The following SIGLEC15 variants were observed in gnomAD, a reference collection of about 807,000 sequenced individuals.
SIGLEC15 encodes the protein sialic acid binding Ig like lectin 15, also known as sialic acid-binding Ig-like lectin 15.
SIGLEC15 carries 31 observed loss-of-function variants against 26.2 expected under a neutral mutation model. That is an observed-to-expected ratio of 1.18 (90% CI 0.89 to 1.60). The LOEUF (loss-of-function observed/expected upper bound fraction) is 1.60. Ranked by LOEUF, SIGLEC15 falls within the 40% of genes most tolerant of loss-of-function variation. SIGLEC15 has a pLI of 0.00. For synonymous variants in SIGLEC15, 207 were observed against 221.9 expected (o/e 0.93, Z 0.60); for missense variants, 501 against 488.4 (o/e 1.03, Z -0.24).
At position 45,839,005 on chromosome 18, in the gene SIGLEC15, T is replaced by C; in HGVS notation, c.784T>C (p.Ser262Pro). The change falls in exon 4 of 6, where the codon TCG (serine) becomes CCG (proline). Residue 262 changes from serine (S) to proline (P), a missense_variant. Physicochemically the swap from Ser to Pro is moderately conservative, Grantham distance 74. Coordinates refer to ENST00000389474, the MANE Select transcript of SIGLEC15 (RefSeq NM_213602.3). ...LFRFHGASGA[S>P]TVALLLGALG... ...CCGCTTCCATGGCGCCAGCGGGGCC[T>C]CGACGGTCGCCCTCCTGCTCGGCGC... 1 of 1,593,444 alleles carries C rather than the reference T, an allele frequency of 6.3e-7. No homozygotes were observed. The highest frequency in any genetic ancestry group is 1.1e-5 in the South Asian group (1 of 89,506).
At chr18:45,836,909 G>A in intron 1 of SIGLEC15, 120 bp from the exon 2 acceptor site, 1 of 667,708 alleles carries the variant, frequency 1.5e-6, no homozygotes, top group Non-Finnish European at 2.8e-6. Context: ...GCAGGCTGTA[G>A]AGTGAGGCGA....
Position 45,838,742 on chromosome 18 carries a change from C to T in SIGLEC15, c.521C>T (p.Ser174Leu), listed in dbSNP as rs373271205. 1.2e-5 allele frequency: 19 copies of T among 1,579,930 alleles called. No homozygotes were observed. The highest frequency in any genetic ancestry group is 1.6e-5 in the Non-Finnish European group (19 of 1,172,196). Residue 174 changes from serine to leucine, a missense_variant, in exon 4 of 6, where the codon TCG becomes TTG. Transcript: ENST00000389474. ...GCCGCGCCGCGGATCGTCAACATCT[C>T]GGTGCTGCCCAGTCCGGCTCACGCC... ...VTAAPRIVNI[S>L]VLPSPAHAFR...
intron 1 of SIGLEC15, chr18:45,829,013 T>C (rs1353181823): frequency 2.3e-6 from 2 of 857,896 alleles, no homozygotes; most frequent in Non-Finnish European, 2.8e-6. Flanking sequence ...AAGTCCTATC[T>C]GGGGCGGGAA....
chr18:45,831,255 T>C (rs2048232882), intron 1 of SIGLEC15, among the ~76,000 whole-genome samples: 1 of 152,234 alleles, frequency 6.6e-6, no homozygotes. Context: ...CCTTCTGGGT[T>C]CACTCCTTCT....
chr18:45,825,695 C>A lies in SIGLEC15; in HGVS notation c.-34C>A, dbSNP rs774025905. The A allele has an allele frequency of 4.4e-6, 7 of 1,608,836 alleles. No homozygotes were observed. The highest frequency in any genetic ancestry group is 6.0e-6 in the Non-Finnish European group (7 of 1,175,560). On this transcript the variant is annotated 5_prime_UTR_variant, in exon 1 of 6. Coordinates refer to ENST00000389474, the MANE Select transcript of SIGLEC15 (RefSeq NM_213602.3). ...CCCTCACTGGGGAGGTGGCCGAGAG[C>A]GGGTCTGGCCTGGGGTGTTCAGATG...
chr18:45,830,313 T>C (rs2048223471), intron 1 of SIGLEC15, among the ~76,000 whole-genome samples: 1 of 152,216 alleles, frequency 6.6e-6, no homozygotes, highest in Non-Finnish European at 1.5e-5. Context: ...CTGCCTACCC[T>C]GGCAACACAG....
At chr18:45,841,657 C>T (rs1481823111) in intron 5 of SIGLEC15, among the ~76,000 whole-genome samples, 4 of 152,050 alleles carry the variant, frequency 2.6e-5, no homozygotes, top group African/African-American at 9.7e-5. Flanking sequence ...GCCAGGCTGC[C>T]GGGGTTGGGA....
At position 45,837,093 on chromosome 18, in the gene SIGLEC15, G is replaced by C. The variant is rs756568662; in HGVS notation, c.112+5G>C. 6.2e-7 allele frequency: 1 copy of C among 1,613,078 alleles called. No homozygotes were observed. The highest frequency in any genetic ancestry group is 8.5e-7 in the Non-Finnish European group (1 of 1,179,582). ...TGCTCAACACAGAGGTGCACAGTAA[G>C]TGCTTTTATTATTATCACCATCTCG... is the stretch of plus-strand genomic sequence containing the variant. On this transcript the variant is annotated splice_donor_5th_base_variant and intron_variant, in intron 2 of 5. Transcript: ENST00000389474.
rs1392930543 is a variant in SIGLEC15 at position 45,839,042 on chromosome 18, A to G, written c.821A>G (p.Lys274Arg). The part of the protein sequence containing the change: ...VALLLGALGF[K>R]ALLLLGVLAA... ...CTCCTGCTCGGCGCTCTCGGCTTCA[A>G]GGCGCTGCTGCTGCTCGGGGTCCTG... The change falls in exon 4 of 6, where the codon AAG (lysine) becomes AGG (arginine). Residue 274 changes from lysine to arginine, a missense_variant. Transcript: ENST00000389474. 7 of 1,549,338 alleles carry G rather than the reference A, an allele frequency of 4.5e-6. No homozygotes were observed. The South Asian group carries it at 7.1e-5, about 16-fold the overall frequency.
At chr18:45,836,673 C>A (rs1382865791) in intron 1 of SIGLEC15, among the ~76,000 whole-genome samples, 29 of 152,208 alleles carry the variant, frequency 1.9e-4, no homozygotes, top group Non-Finnish European at 2.9e-5. Flanking sequence ...GTGAAACAGC[C>A]CACCTCTCTG....
chr18:45,837,108 T>A lies in SIGLEC15; in HGVS notation c.112+20T>A. 6.2e-7 allele frequency: 1 copy of A among 1,612,640 alleles called. No individual in the cohort carries two copies. Among genetic ancestry groups the A allele is most frequent in the Non-Finnish European group, 8.5e-7 (1 of 1,179,416 alleles). On this transcript the variant is annotated intron_variant, in intron 2 of 5. Transcript: ENST00000389474. Reference sequence around the variant, plus strand: ...TGCACAGTAAGTGCTTTTATTATTATCACCATCTCGGGGATCTTGGGAGTC... The same window carrying A: ...TGCACAGTAAGTGCTTTTATTATTAACACCATCTCGGGGATCTTGGGAGTC...
In SIGLEC15 at chr18:45,826,780, G is replaced by A. The variant is rs144905029; in HGVS notation, c.52+1000G>A. On this transcript the variant is annotated intron_variant, in intron 1 of 5. Coordinates refer to ENST00000389474, the MANE Select transcript of SIGLEC15 (RefSeq NM_213602.3). ...AGACCCCTTTGCCCTCCCATCTGGC[G>A]TGTACTCAGACTGGAGTCCAGCTCG... Among the ~76,000 whole-genome samples the A allele has an allele frequency of 6.6e-5, 10 of 152,312 alleles. No individual in the cohort carries two copies. The East Asian group carries it at 1.5e-3, about 23-fold the overall frequency.
chr18:45,837,622 C>A lies in SIGLEC15; in HGVS notation c.222C>A (p.Asp74Glu). ...CTFTHPHRHY[D>E]GPLTAIWRAG... is the part of the protein sequence containing the mutation. The stretch of plus-strand genomic sequence containing the variant: ...TCACGCACCCGCACCGCCACTACGA[C>A]GGGCCGCTGACGGCCATCTGGCGCG... Residue 74 changes from aspartate (D) to glutamate (E), a missense_variant, in exon 3 of 6, where the codon GAC (aspartate) becomes GAA (glutamate). Transcript: ENST00000389474. The A allele has an allele frequency of 1.3e-6, 2 of 1,508,684 alleles. No homozygotes were observed. The highest frequency in any genetic ancestry group is 1.8e-6 in the Non-Finnish European group (2 of 1,136,318). 93.5% of individuals were successfully genotyped at this position (1,508,684 alleles called of 1,614,324 possible). A position where few individuals can be genotyped will look rare whatever the true frequency, so the allele number is the denominator to read the frequency against.
At chr18:45,833,065 G>A (rs1388289854) in intron 1 of SIGLEC15, among the ~76,000 whole-genome samples, 3 of 152,164 alleles carry the variant, frequency 2.0e-5, no homozygotes, top group African/African-American at 7.2e-5. Flanking sequence ...CCCAGGGAGG[G>A]AGGGGCCCAG....
At chr18:45,835,084 A>G (rs545803970) in intron 1 of SIGLEC15, among the ~76,000 whole-genome samples, 168 of 152,326 alleles carry the variant, frequency 1.1e-3, no homozygotes, top group African/African-American at 4.0e-3. Context: ...TCCAGAAAAA[A>G]AAAAGGAGAT....
At chr18:45,835,567 G>C (rs1329919563) in intron 1 of SIGLEC15, among the ~76,000 whole-genome samples, 1 of 152,154 alleles carries the variant, frequency 6.6e-6, no homozygotes, top group African/African-American at 2.4e-5. Context: ...ATTTCGTAGA[G>C]GTCAGTCACT....
At chr18:45,839,180 G>A in intron 4 of SIGLEC15, 85 bp downstream of exon 4, 1 of 1,327,494 alleles carries the variant, frequency 7.5e-7, no homozygotes, top group Non-Finnish European at 9.6e-7. Context: ...CTGACCCCCT[G>A]GCACTGCCAG....
intron 5 of SIGLEC15, among the ~76,000 whole-genome samples, chr18:45,840,506 C>A (rs1389574130): frequency 6.6e-6 from 1 of 152,184 alleles, no homozygotes. Context: ...CCTCCACATT[C>A]TTGAACAGGC....
rs1211342163 is a variant in SIGLEC15 at position 45,843,997 on chromosome 18, T to G, written c.*1810T>G. 6.6e-6 allele frequency: 1 copy of G among 152,216 alleles called. No homozygotes were observed. The highest frequency in any genetic ancestry group is 1.5e-5 in the Non-Finnish European group (1 of 68,050). The allele number at this position is 152,216 out of a possible 1,614,324, so 9.4% of individuals were successfully genotyped here. A position where few individuals can be genotyped will look rare whatever the true frequency, so the allele number is the denominator to read the frequency against. Reference sequence around the variant, plus strand: ...ACTCCCATGTTTACTGCAGCACTATTTGCAATAGCCAAGATATGGAATCAG... The same window carrying G: ...ACTCCCATGTTTACTGCAGCACTATGTGCAATAGCCAAGATATGGAATCAG... On this transcript the variant is annotated 3_prime_UTR_variant, in exon 6 of 6. Transcript: ENST00000389474.
Sources: allele counts gnomAD v4.1 joint callset (sites outside exome capture counted in the v4.1 genomes callset), GRCh38; gene constraint gnomAD v4.1.1; transcripts MANE v1.5; gene names NCBI Gene and HGNC (gene_info 2026-07-23, HGNC 2026-07-21).